Variants in AFF3 observed in about 807,000 individuals in gnomAD.
AFF3 encodes the protein ALF transcription elongation factor 3, also known as AF4/FMR2 family member 3.
In AFF3, 32 loss-of-function variants were observed where a neutral mutation model predicts 129.7. The ratio of observed to expected loss-of-function variants is 0.25; its 90% CI spans 0.19 to 0.33. The LOEUF is 0.33. Ranked by LOEUF, AFF3 falls within the 10% of genes least tolerant of loss-of-function variation. The pLI, the probability that AFF3 is intolerant of heterozygous loss-of-function variation, is 1.00. For missense variants in AFF3, 1,373 were observed against 1,592.0 expected, an observed-to-expected ratio of 0.86 and a Z score of 2.34; for synonymous variants, 644 against 635.4, an observed-to-expected ratio of 1.01 and a Z score of -0.20.
chr2:99,733,915 A>ATCTATTGTATAAATTTGAG (rs1358669858), intron 10 of AFF3, among the ~76,000 whole-genome samples: 9 of 152,208 alleles, frequency 5.9e-5, no homozygotes, highest in Admixed American at 1.3e-4. Flanking sequence ...TAGCCCTTTG[A>ATCTATTGTATAAATTTGAG]TCTATTGTAT....
intron 4 of AFF3, among the ~76,000 whole-genome samples, chr2:100,079,681 A>C (rs1688886636): frequency 6.6e-6 from 1 of 152,194 alleles, no homozygotes; most frequent in Non-Finnish European, 1.5e-5. Flanking sequence ...TCCCCAGCTC[A>C]TAACCACTTG....
chr2:99,595,091 G>A (rs1679153711), intron 14 of AFF3, among the ~76,000 whole-genome samples: 2 of 152,192 alleles, frequency 1.3e-5, no homozygotes, highest in Admixed American at 1.3e-4. Flanking sequence ...GCCCTGAAAT[G>A]GATGGGAAAT....
intron 18 of AFF3, among the ~76,000 whole-genome samples, chr2:99,573,770 G>A (rs1409787686): frequency 6.6e-6 from 1 of 152,110 alleles, no homozygotes; most frequent in African/African-American, 2.4e-5. Flanking sequence ...CTCCTGTTAC[G>A]GGCACCATGG....
At chr2:99,623,635 CAT>C (rs1367438778) in intron 13 of AFF3, among the ~76,000 whole-genome samples, 1 of 152,200 alleles carries the variant, frequency 6.6e-6, no homozygotes, top group East Asian at 1.9e-4. Context: ...AACTGGGACA[CAT>C]GAGGCCTCTG....
intron 13 of AFF3, among the ~76,000 whole-genome samples, chr2:99,634,964 TACACAC>T (rs201362666): frequency 0.026 from 3,556 of 137,746 alleles, 142 homozygotes; most frequent in African/African-American, 0.089. Flanking sequence ...GATTCTGTCA[TACACAC>T]ACACACACAC....
At chr2:99,996,712 T>TATAACGA (rs2104639194) in intron 7 of AFF3, among the ~76,000 whole-genome samples, 1 of 152,186 alleles carries the variant, frequency 6.6e-6, no homozygotes, top group African/African-American at 2.4e-5. Flanking sequence ...TCTAAATTTT[T>TATAACGA]ATAACGAAGA....
At chr2:99,840,562 T>C (rs1396621356) in intron 7 of AFF3, among the ~76,000 whole-genome samples, 1 of 152,204 alleles carries the variant, frequency 6.6e-6, no homozygotes, top group Non-Finnish European at 1.5e-5. Flanking sequence ...ATGACACCAA[T>C]GCTTTCACTA....
At chr2:99,570,652 A>T (rs1676391433) in intron 18 of AFF3, among the ~76,000 whole-genome samples, 1 of 152,114 alleles carries the variant, frequency 6.6e-6, no homozygotes, top group Non-Finnish European at 1.5e-5. Flanking sequence ...CACAGACCTA[A>T]AATCAATCTC....
chr2:99,902,918 C>A (rs1694454467), intron 7 of AFF3, among the ~76,000 whole-genome samples: 2 of 152,098 alleles, frequency 1.3e-5, no homozygotes, highest in African/African-American at 4.8e-5. Context: ...ATTTTATCTA[C>A]TAATTCAAAT....
chr2:99,751,828 C>T (rs1440721080), intron 9 of AFF3, among the ~76,000 whole-genome samples: 1 of 152,160 alleles, frequency 6.6e-6, no homozygotes, highest in Non-Finnish European at 1.5e-5. Context: ...TTAAATACCA[C>T]ACGTCTTCAA....
At chr2:99,976,680 C>T (rs1678919621) in intron 7 of AFF3, among the ~76,000 whole-genome samples, 1 of 152,164 alleles carries the variant, frequency 6.6e-6, no homozygotes, top group Non-Finnish European at 1.5e-5. Flanking sequence ...CGGGAATGGA[C>T]AGCAACTGAT....
intron 7 of AFF3, among the ~76,000 whole-genome samples, chr2:99,873,932 T>C (rs552088497): frequency 3.5e-4 from 53 of 152,020 alleles, no homozygotes; most frequent in Admixed American, 1.2e-3. Context: ...CTCAGTACTT[T>C]GGGAGGCCGA....
chr2:99,812,837 G>C (rs1050024163), intron 8 of AFF3, among the ~76,000 whole-genome samples: 1 of 152,062 alleles, frequency 6.6e-6, no homozygotes, highest in Non-Finnish European at 1.5e-5. Context: ...CATGTGTGAT[G>C]ACTGATTTTC....
At chr2:100,063,072 GAA>G (rs1687431758) in intron 4 of AFF3, among the ~76,000 whole-genome samples, 1 of 152,084 alleles carries the variant, frequency 6.6e-6, no homozygotes, top group African/African-American at 2.4e-5. Flanking sequence ...CCAACATGGT[GAA>G]ACCCCGTCTC....
chr2:99,659,489 G>A (rs1686039326), intron 12 of AFF3, among the ~76,000 whole-genome samples: 1 of 152,146 alleles, frequency 6.6e-6, no homozygotes, highest in Non-Finnish European at 1.5e-5. Context: ...AAGTGAGGAA[G>A]TGATTTATCT....
At chr2:99,883,719 C>A (rs972104308) in intron 7 of AFF3, among the ~76,000 whole-genome samples, 5 of 152,110 alleles carry the variant, frequency 3.3e-5, no homozygotes, top group African/African-American at 1.2e-4. Flanking sequence ...ACTGAAACAT[C>A]CTAAATCTAA....
chr2:100,007,487 T>C (rs1158731458), intron 5 of AFF3, 27 bp from the exon 6 acceptor site: 1 of 1,588,980 alleles, frequency 6.3e-7, no homozygotes, highest in Admixed American at 1.7e-5. Context: ...ACATCCACGC[T>C]ATTGTTAGAG....
At chr2:100,004,486 T>C (rs552750901) in intron 7 of AFF3, among the ~76,000 whole-genome samples, 1 of 152,284 alleles carries the variant, frequency 6.6e-6, no homozygotes, top group African/African-American at 2.4e-5. Flanking sequence ...GGGATCTCAC[T>C]ATGTTGCCCA....
chr2:99,752,082 C>A (rs1264008257), intron 9 of AFF3, 139 bp downstream of exon 9: 2 of 710,564 alleles, frequency 2.8e-6, no homozygotes, highest in Non-Finnish European at 4.6e-6. Flanking sequence ...TATGCGCTTG[C>A]AAATTGTGAA....
Sources: gnomAD v4.1 joint callset for allele counts (sites outside exome capture counted in the v4.1 genomes callset) on GRCh38, gnomAD v4.1.1 for gene constraint, MANE v1.5 for transcripts, NCBI Gene and HGNC (gene_info 2026-07-23, HGNC 2026-07-21) for gene names.